The following DEPDC5 variants were observed in gnomAD, a reference collection of about 807,000 sequenced individuals.
The protein encoded by DEPDC5 is DEP domain containing 5, GATOR1 subcomplex subunit.
In DEPDC5, 73 loss-of-function variants were observed where a neutral mutation model predicts 217.3. The ratio of observed to expected loss-of-function variants is 0.34; its 90% CI spans 0.28 to 0.41. The LOEUF (loss-of-function observed/expected upper bound fraction) is 0.41, where lower values mean the gene tolerates loss of function less well. DEPDC5 is among the 10% of genes least tolerant of loss of function. The pLI is 1.00. For missense variants in DEPDC5, 1,675 were observed against 2,070.1 expected, an observed-to-expected ratio of 0.81 and a Z score of 3.70; for synonymous variants, 733 against 756.7, an observed-to-expected ratio of 0.97 and a Z score of 0.51.
chr22:31,838,858 C>G lies in DEPDC5; in HGVS notation c.2515+13C>G, dbSNP rs760536620. 2 of 1,605,486 alleles carry G rather than the reference C, an allele frequency of 1.2e-6. No homozygotes were observed. The highest frequency in any genetic ancestry group is 2.2e-5 in the South Asian group (2 of 90,600). Reference sequence around the variant, plus strand: ...CTCTATAGCCGAGGTGAGTTTTTCTCCTTGGATTTCTATTTTTTTCTCTTC... The same window carrying G: ...CTCTATAGCCGAGGTGAGTTTTTCTGCTTGGATTTCTATTTTTTTCTCTTC... On this transcript the variant is annotated intron_variant, in intron 27 of 42. Transcript: ENST00000651528.
At chr22:31,880,885 G>A (rs887874106) in intron 38 of DEPDC5, among the ~76,000 whole-genome samples, 2 of 152,204 alleles carry the variant, frequency 1.3e-5, no homozygotes, top group Admixed American at 6.5e-5. Context: ...TTAGCCAGGC[G>A]TGACAGTGTG....
chr22:31,826,597 C>G, intron 24 of DEPDC5: 1 of 341,194 alleles, frequency 2.9e-6, no homozygotes, highest in South Asian at 2.3e-5. Context: ...GAAGCCTGCC[C>G]CGGTGGTTCC....
At chr22:31,821,830 T>C (rs2148823708) in intron 23 of DEPDC5, among the ~76,000 whole-genome samples, 193 bp downstream of exon 23, 1 of 152,366 alleles carries the variant, frequency 6.6e-6, no homozygotes, top group East Asian at 1.9e-4. Context: ...CCTGACATTT[T>C]TGCCTGAGAT....
chr22:31,766,483 C>G, intron 5 of DEPDC5, 102 bp from the exon 6 acceptor site: 2 of 1,166,994 alleles, frequency 1.7e-6, no homozygotes, highest in Non-Finnish European at 2.5e-6. Flanking sequence ...CAGTAGTTTT[C>G]TTTTTTGCAA....
In DEPDC5 at chr22:31,906,493, C is replaced by G; in HGVS notation, c.4808C>G (p.Pro1603Arg). ...CTGGAGAAGATGCATGCCAGTGCCC[C>G]GTGAGGCCAGGCTGCACCTGTGCTG... is the stretch of plus-strand genomic sequence containing the variant. ...SCLEKMHASAP is the reference protein window; with the variant it reads ...SCLEKMHASAR Residue 1603 changes from proline (P) to arginine (R), a missense_variant, in exon 43 of 43, where the codon CCG becomes CGG. Physicochemically the swap from Pro to Arg is moderately radical, Grantham distance 103. Transcript: ENST00000651528. The surrounding 1 kb of genome is among the most constrained non-coding windows in gnomAD (Gnocchi z 5.1). The G allele has an allele frequency of 6.3e-7, 1 of 1,585,968 alleles. No homozygotes were observed. The highest frequency in any genetic ancestry group is 8.6e-7 in the Non-Finnish European group (1 of 1,157,200).
Position 31,857,491 on chromosome 22 carries a change from G to A in DEPDC5, c.3202G>A (p.Ala1068Thr), listed in dbSNP as rs763158282. The change falls in exon 32 of 43, where the codon GCC becomes ACC. Residue 1068 changes from alanine to threonine, a missense_variant. Physicochemically the swap from Ala to Thr is moderately conservative, Grantham distance 58. Around this residue, in one of 11 missense-constraint regions of DEPDC5, gnomAD observed 126 missense variants for 113.8 expected, o/e 1.11. Coordinates refer to ENST00000651528, the MANE Select transcript of DEPDC5 (RefSeq NM_001242896.3). ...AGCTGTGCATGGTGGGAAGAGCTCC[G>A]CCCAGTCAGCCGAGAGCAGCAGCGT... ...QAAVHGGKSS[A>T]QSAESSSVAM... is the part of the protein sequence containing the mutation. 1.9e-5 allele frequency: 31 copies of A among 1,611,992 alleles called. No individual in the cohort carries two copies. Among genetic ancestry groups the A allele is most frequent in the Non-Finnish European group, 2.5e-5 (30 of 1,179,276 alleles).
chr22:31,868,411 G>A (rs1249789878), intron 33 of DEPDC5, among the ~76,000 whole-genome samples: 2 of 151,968 alleles, frequency 1.3e-5, no homozygotes, highest in East Asian at 3.9e-4. Context: ...GAGAAGCCTT[G>A]TTTTATTTTC....
intron 34 of DEPDC5, among the ~76,000 whole-genome samples, chr22:31,871,830 A>G (rs1379217499): frequency 6.6e-6 from 1 of 152,300 alleles, no homozygotes; most frequent in East Asian, 1.9e-4. Flanking sequence ...ATGATGAAGA[A>G]CTTACTAGCA....
rs555177496 is a variant in DEPDC5 at position 31,802,571 on chromosome 22, A to G, written c.947-133A>G. The G allele has an allele frequency of 2.8e-6, 3 of 1,062,158 alleles. No homozygotes were observed. In the African/African-American group the frequency reaches 4.9e-5, roughly 17 times the overall value. 65.8% of individuals were successfully genotyped at this position (1,062,158 alleles called of 1,614,324 possible). ...GAAGAGAAAAGACAGATGCGTATAC[A>G]TTTAACTAGAATGTGGCAGTTGCTA... On this transcript the variant is annotated intron_variant, in intron 14 of 42. Coordinates refer to ENST00000651528, the MANE Select transcript of DEPDC5 (RefSeq NM_001242896.3).
At chr22:31,846,789 A>G in intron 30 of DEPDC5, 45 bp from the exon 31 acceptor site, 2 of 1,613,524 alleles carry the variant, frequency 1.2e-6, no homozygotes, top group Non-Finnish European at 1.7e-6. Flanking sequence ...GCTTCCACTG[A>G]GAGCCCACTT....
chr22:31,877,749 C>CAAAAAAAAAAAAAAAAAAAA (rs136870), intron 37 of DEPDC5, among the ~76,000 whole-genome samples: 1 of 62,862 alleles, frequency 1.6e-5, no homozygotes, highest in Non-Finnish European at 2.8e-5. Flanking sequence ...GACTCCATCT[C>CAAAAAAAAAAAAAAAAAAAA]AAAAAAAAAA....
intron 33 of DEPDC5, among the ~76,000 whole-genome samples, chr22:31,868,452 G>A (rs2092747768): frequency 6.6e-6 from 1 of 151,974 alleles, no homozygotes; most frequent in African/African-American, 2.4e-5. Flanking sequence ...TTTTGAGACA[G>A]GGTCTCTCTC....
rs374277453 is a variant in DEPDC5, at chr22:31,857,565, C to G, written c.3264+12C>G. The G allele has an allele frequency of 1.9e-6, 3 of 1,598,218 alleles. No homozygotes were observed. The South Asian group carries it at 3.4e-5, about 18-fold the overall frequency. On this transcript the variant is annotated intron_variant, in intron 32 of 42. Coordinates refer to ENST00000651528, the MANE Select transcript of DEPDC5 (RefSeq NM_001242896.3). Reference sequence around the variant, plus strand: ...ACAGCCCACGAAAGGTAAAGGAAGCCGCGGTAGCAGGGAGCTGTTCTGTGC... The same window carrying G: ...ACAGCCCACGAAAGGTAAAGGAAGCGGCGGTAGCAGGGAGCTGTTCTGTGC...
intron 10 of DEPDC5, among the ~76,000 whole-genome samples, chr22:31,790,370 C>G (rs925716266): frequency 1.3e-5 from 2 of 152,298 alleles, no homozygotes; most frequent in South Asian, 4.1e-4. Context: ...CTAACTGTTG[C>G]AAGCCACTTT....
chr22:31,876,128 G>A (rs1406405085), intron 36 of DEPDC5, 29 bp from the exon 37 acceptor site: 6 of 1,605,794 alleles, frequency 3.7e-6, no homozygotes, highest in Non-Finnish European at 5.1e-6. Flanking sequence ...CTCTCTGCAG[G>A]AATTTCAGAG....
chr22:31,823,860 G>A (rs957703414), intron 24 of DEPDC5, among the ~76,000 whole-genome samples: 4 of 152,184 alleles, frequency 2.6e-5, no homozygotes, highest in African/African-American at 4.8e-5. Context: ...TCCTCTTTTC[G>A]TGACATTGTT....
intron 26 of DEPDC5, among the ~76,000 whole-genome samples, chr22:31,837,492 C>G (rs1035370236): frequency 5.3e-5 from 8 of 151,696 alleles, no homozygotes; most frequent in African/African-American, 1.9e-4. Flanking sequence ...CTAGGAGTAG[C>G]TGGGAGTGGC....
At position 31,857,507 on chromosome 22, in the gene DEPDC5, G is replaced by A. The variant is rs375884815; in HGVS notation, c.3218G>A (p.Ser1073Asn). 1 of 1,612,646 alleles carries A rather than the reference G, an allele frequency of 6.2e-7. No homozygotes were observed. The highest frequency in any genetic ancestry group is 1.7e-5 in the Admixed American group (1 of 59,844). Residue 1073 changes from serine to asparagine, a missense_variant, in exon 32 of 43, where the codon AGC becomes AAC. Physicochemically the swap from Ser to Asn is conservative, Grantham distance 46. Around this residue, in one of 11 missense-constraint regions of DEPDC5, gnomAD observed 126 missense variants for 113.8 expected, o/e 1.11. Transcript: ENST00000651528. ...GGKSSAQSAE[S>N]SSVAMTPTYM... Reference sequence around the variant, plus strand: ...AAGAGCTCCGCCCAGTCAGCCGAGAGCAGCAGCGTTGCCATGACTCCCACC... The same window carrying A: ...AAGAGCTCCGCCCAGTCAGCCGAGAACAGCAGCGTTGCCATGACTCCCACC...
At chr22:31,813,981 A>G (rs970512132) in intron 20 of DEPDC5, 5 of 152,068 alleles carry the variant, frequency 3.3e-5, no homozygotes, top group African/African-American at 1.2e-4. Flanking sequence ...AAAAATACGA[A>G]AAAAGTACCC....
Sources: gnomAD v4.1 joint callset for allele counts (sites outside exome capture counted in the v4.1 genomes callset) on GRCh38, gnomAD v4.1.1 for gene constraint, gnomAD v4.1.1 regional missense constraint, Gnocchi (gnomAD v3.1) non-coding constraint, MANE v1.5 for transcripts, NCBI Gene and HGNC (gene_info 2026-07-23, HGNC 2026-07-21) for gene names.